Variants in TAOK3 observed in about 807,000 individuals in gnomAD.
The protein encoded by TAOK3 is TAO kinase 3.
Under a neutral mutation model 120.4 loss-of-function variants are expected in TAOK3, and 40 were observed. The ratio of observed to expected loss-of-function variants is 0.33; its 90% CI spans 0.26 to 0.43. The LOEUF (loss-of-function observed/expected upper bound fraction) is 0.43, where lower values mean the gene tolerates loss of function less well. Among genes scored for constraint, TAOK3 ranks in the 20% least tolerant of loss-of-function variants. The pLI is 1.00. For synonymous variants in TAOK3, 355 were observed against 387.5 expected (o/e 0.92, Z 0.99); for missense variants, 821 against 1,112.1 (o/e 0.74, Z 3.72).
intron 13 of TAOK3, among the ~76,000 whole-genome samples, chr12:118,196,600 A>G (rs1208415412): frequency 6.6e-6 from 1 of 152,172 alleles, no homozygotes; most frequent in Admixed American, 6.5e-5. Flanking sequence ...CCATATTCAT[A>G]TATTTTGGTA....
At chr12:118,179,719 A>G (rs1457226512) in intron 15 of TAOK3, among the ~76,000 whole-genome samples, 6 of 143,030 alleles carry the variant, frequency 4.2e-5, no homozygotes, top group African/African-American at 1.6e-4. Context: ...ACCTCGGCTC[A>G]CTGCAATCTC....
chr12:118,262,053 GT>G (rs1237570003), intron 2 of TAOK3, among the ~76,000 whole-genome samples: 1 of 152,096 alleles, frequency 6.6e-6, no homozygotes, highest in Non-Finnish European at 1.5e-5. Flanking sequence ...TAGAGACGGG[GT>G]TTTGTCACAT....
intron 1 of TAOK3, among the ~76,000 whole-genome samples, chr12:118,297,401 C>T (rs1005355410): frequency 4.6e-5 from 7 of 152,148 alleles, no homozygotes; most frequent in Admixed American, 3.9e-4. Flanking sequence ...TTTTGTTGTA[C>T]TTCAGCCACA....
chr12:118,365,144 T>A (rs989125587), intron 1 of TAOK3, among the ~76,000 whole-genome samples: 1 of 152,224 alleles, frequency 6.6e-6, no homozygotes, highest in Admixed American at 6.5e-5. Context: ...CCCTCTCTCC[T>A]TCCACTGTAT....
intron 1 of TAOK3, among the ~76,000 whole-genome samples, chr12:118,340,843 CA>C (rs889218664): frequency 1.3e-5 from 2 of 151,538 alleles, no homozygotes; most frequent in African/African-American, 4.8e-5. Flanking sequence ...TTTGGGAGGC[CA>C]AGGAAGGAGG....
At chr12:118,215,774 G>A (rs2038870884) in intron 9 of TAOK3, among the ~76,000 whole-genome samples, 1 of 152,138 alleles carries the variant, frequency 6.6e-6, no homozygotes, top group African/African-American at 2.4e-5. Flanking sequence ...TGCCCAGGCT[G>A]GAGTGCAGTG....
chr12:118,241,070 T>C (rs1186424642), intron 5 of TAOK3, among the ~76,000 whole-genome samples: 2 of 149,728 alleles, frequency 1.3e-5, no homozygotes, highest in African/African-American at 4.9e-5. Flanking sequence ...AACATACTTA[T>C]AATACTATTT....
At chr12:118,238,206 A>C in intron 6 of TAOK3, 37 bp from the exon 7 acceptor site, 1 of 1,253,198 alleles carries the variant, frequency 8.0e-7, no homozygotes, top group South Asian at 1.2e-5. Context: ...GTAGATGATC[A>C]GTTTCATTCC....
chr12:118,164,258 C>T (rs1172169162), intron 17 of TAOK3, among the ~76,000 whole-genome samples: 2 of 150,252 alleles, frequency 1.3e-5, no homozygotes, highest in Admixed American at 6.6e-5. Context: ...ACCCGGGAGG[C>T]GTAGCTTGCA....
At chr12:118,306,776 G>T (rs961773747) in intron 1 of TAOK3, among the ~76,000 whole-genome samples, 4 of 152,148 alleles carry the variant, frequency 2.6e-5, no homozygotes, top group African/African-American at 9.7e-5. Context: ...CAATTGTAAA[G>T]TAGTAACATC....
intron 10 of TAOK3, 128 bp downstream of exon 10, chr12:118,213,889 C>T: frequency 1.3e-6 from 1 of 778,600 alleles, no homozygotes. Flanking sequence ...GCATCAGTGT[C>T]ACTTGTAACA....
rs866432076 is a variant in TAOK3 at position 118,231,695 on chromosome 12, G to A, written c.643+1979C>T. 6.6e-5 allele frequency among the ~76,000 whole-genome samples: 10 copies of A among 151,838 alleles called. No individual in the cohort carries two copies. In the South Asian group the frequency reaches 8.3e-4, roughly 13 times the overall value. ...TCCCAGCACTTTGGGAGGCCGAGGC[G>A]GGTGGATCATCTGAAGTCAGGAGTT... On this transcript the variant is annotated intron_variant, in intron 9 of 20. Coordinates refer to ENST00000392533, the MANE Select transcript of TAOK3 (RefSeq NM_016281.4).
chr12:118,346,824 C>CTTG (rs1453149753), intron 1 of TAOK3, among the ~76,000 whole-genome samples: 1 of 152,168 alleles, frequency 6.6e-6, no homozygotes, highest in Non-Finnish European at 1.5e-5. Flanking sequence ...CTAAATCTAA[C>CTTG]TTGTCTATCT....
rs186809065 is a variant in TAOK3, at chr12:118,243,208, G to A, written c.294+207C>T. Among the ~76,000 whole-genome samples, 537 of 152,076 alleles carry A rather than the reference G, an allele frequency of 3.5e-3. 1 individual carries two copies. Among genetic ancestry groups the A allele is most frequent in the African/African-American group, 0.012 (496 of 41,488 alleles). On this transcript the variant is annotated intron_variant, in intron 5 of 20. Transcript: ENST00000392533. The stretch of plus-strand genomic sequence containing the variant: ...ATCTCTTTCTGAGTGTTTATAGAAT[G>A]GAATTTCTAATAGGCTAGATATCAT...
intron 11 of TAOK3, among the ~76,000 whole-genome samples, chr12:118,206,376 A>G (rs1442677359): frequency 6.6e-6 from 1 of 152,208 alleles, no homozygotes; most frequent in Admixed American, 6.5e-5. Flanking sequence ...TACACTCTAC[A>G]TCTTAATATC....
chr12:118,209,273 T>C (rs561790603), intron 11 of TAOK3, among the ~76,000 whole-genome samples: 1 of 152,162 alleles, frequency 6.6e-6, no homozygotes, highest in Non-Finnish European at 1.5e-5. Context: ...TTGCTGTCAT[T>C]TGTGCAAAAA....
At chr12:118,289,296 CAAAAAAA>C (rs59297201) in intron 1 of TAOK3, among the ~76,000 whole-genome samples, 1 of 78,722 alleles carries the variant, frequency 1.3e-5, no homozygotes, top group South Asian at 5.0e-4. Context: ...AAGACTGTCT[CAAAAAAA>C]AAAAAAAAAA....
intron 9 of TAOK3, among the ~76,000 whole-genome samples, chr12:118,218,391 C>T (rs371571401): frequency 6.6e-6 from 1 of 152,038 alleles, no homozygotes; most frequent in Non-Finnish European, 1.5e-5. Context: ...CCCGTTCCCC[C>T]CTGCATATAC....
chr12:118,235,030 T>C (rs1203724167), intron 8 of TAOK3, among the ~76,000 whole-genome samples: 1 of 152,202 alleles, frequency 6.6e-6, no homozygotes, highest in Admixed American at 6.5e-5. Flanking sequence ...AGTCATTCTG[T>C]AAGGCATAAT....
Sources: allele counts gnomAD v4.1 joint callset (sites outside exome capture counted in the v4.1 genomes callset), GRCh38; gene constraint gnomAD v4.1.1; transcripts MANE v1.5; gene names NCBI Gene and HGNC (gene_info 2026-07-23, HGNC 2026-07-21).